Variants in DNAAF8 observed in about 807,000 individuals in gnomAD.
DNAAF8 encodes dynein axonemal-associated protein 1.
Under a neutral mutation model 54.6 loss-of-function variants are expected in DNAAF8, and 61 were observed. The observed-to-expected ratio is 1.12, with a 90% CI of 0.91 to 1.38. The LOEUF (loss-of-function observed/expected upper bound fraction) is 1.38, where lower values mean the gene tolerates loss of function less well. Ranked by LOEUF, DNAAF8 falls within the 40% of genes most tolerant of loss-of-function variation. The pLI, the probability that DNAAF8 is intolerant of heterozygous loss-of-function variation, is 0.00. For synonymous variants in DNAAF8, 320 were observed against 270.1 expected (o/e 1.18, Z -1.81); for missense variants, 837 against 665.0 (o/e 1.26, Z -2.85).
chr16:4,743,387 G>C, intron 5 of DNAAF8: 1 of 431,246 alleles, frequency 2.3e-6, no homozygotes, highest in Non-Finnish European at 4.1e-6. Flanking sequence ...AGGTCCTAGG[G>C]ACAAAGGAGA....
In DNAAF8 at chr16:4,744,931, G is replaced by A. The variant is rs778106589; in HGVS notation, c.963G>A (p.Thr321=). 71 of 1,613,746 alleles carry A rather than the reference G, an allele frequency of 4.4e-5. No individual in the cohort carries two copies. The highest frequency in any genetic ancestry group is 2.7e-4 in the Admixed American group (16 of 60,012). Residue 321 remains threonine (T), a synonymous_variant, in exon 6 of 10, where the codon ACG becomes ACA. Transcript: ENST00000299320. The part of the protein sequence containing the change: ...LMEQLALLCT[T]QSKASACARK... Reference sequence around the variant, plus strand: ...AACAGCTGGCCCTCCTGTGCACCACGCAGTCCAAGGCCTCTGCTTGTGCCC... The same window carrying A: ...AACAGCTGGCCCTCCTGTGCACCACACAGTCCAAGGCCTCTGCTTGTGCCC...
intron 1 of DNAAF8, among the ~76,000 whole-genome samples, chr16:4,735,615 G>A (rs2142196928): frequency 6.6e-6 from 1 of 151,786 alleles, no homozygotes; most frequent in Admixed American, 6.6e-5. Context: ...ATAAATGCAG[G>A]GGCTGGTCAG....
chr16:4,742,008 C>T (rs903391631), intron 4 of DNAAF8, among the ~76,000 whole-genome samples: 5 of 152,254 alleles, frequency 3.3e-5, no homozygotes, highest in Admixed American at 1.3e-4. Flanking sequence ...TTAAATCAAC[C>T]GTTCTTTCTG....
chr16:4,740,579 T>A lies in DNAAF8; in HGVS notation c.703T>A (p.Cys235Ser). The A allele has an allele frequency of 6.2e-7, 1 of 1,613,594 alleles. No homozygotes were observed. Among genetic ancestry groups the A allele is most frequent in the Non-Finnish European group, 8.5e-7 (1 of 1,179,988 alleles). Residue 235 changes from cysteine (C) to serine (S), a missense_variant, in exon 4 of 10, where the codon TGC (cysteine) becomes AGC (serine). Physicochemically the swap from Cys to Ser is moderately radical, Grantham distance 112. Coordinates refer to ENST00000299320, the MANE Select transcript of DNAAF8 (RefSeq NM_139170.3). ...SDKGGVKEAP[C>S]HAAESAPRSK... is the part of the protein sequence containing the mutation. The stretch of plus-strand genomic sequence containing the variant: ...CAAAGGTGGGGTGAAGGAGGCGCCC[T>A]GCCACGCTGCGGAGTCAGCTCCCAG...
At chr16:4,741,633 C>T (rs1218585694) in intron 4 of DNAAF8, among the ~76,000 whole-genome samples, 1 of 152,102 alleles carries the variant, frequency 6.6e-6, no homozygotes, top group Non-Finnish European at 1.5e-5. Flanking sequence ...AACCGTGACT[C>T]TATTAACAAT....
At chr16:4,741,510 G>A (rs2081961016) in intron 4 of DNAAF8, among the ~76,000 whole-genome samples, 1 of 152,092 alleles carries the variant, frequency 6.6e-6, no homozygotes, top group Admixed American at 6.6e-5. Flanking sequence ...ATAAGAAACT[G>A]GGATTTTGGC....
At chr16:4,742,441 A>G (rs1415533230) in intron 4 of DNAAF8, among the ~76,000 whole-genome samples, 1 of 151,604 alleles carries the variant, frequency 6.6e-6, no homozygotes, top group African/African-American at 2.4e-5. Context: ...CTGTAGTCTC[A>G]GCACTTTGGG....
intron 9 of DNAAF8, 135 bp from the exon 10 acceptor site, chr16:4,748,590 G>A (rs1225096515): frequency 6.6e-6 from 1 of 152,306 alleles, no homozygotes; most frequent in Non-Finnish European, 1.5e-5. Flanking sequence ...CCCCTCCACA[G>A]GACAAGCCTG....
intron 3 of DNAAF8, 139 bp from the exon 4 acceptor site, chr16:4,740,014 G>C (rs577418907): frequency 9.6e-7 from 1 of 1,046,146 alleles, no homozygotes; most frequent in Non-Finnish European, 1.4e-6. Context: ...AGCTATGATC[G>C]CACCACTGCA....
chr16:4,746,842 C>A, intron 7 of DNAAF8, 85 bp from the exon 8 acceptor site: 1 of 1,289,830 alleles, frequency 7.8e-7, no homozygotes, highest in Non-Finnish European at 1.0e-6. Flanking sequence ...GGGTCACCAG[C>A]AAAGCCCGAG....
chr16:4,739,403 C>G (rs1051223549), intron 3 of DNAAF8, among the ~76,000 whole-genome samples: 1 of 149,558 alleles, frequency 6.7e-6, no homozygotes, highest in Admixed American at 6.8e-5. Flanking sequence ...GTATGAATTT[C>G]TGAGCCCCAA....
In DNAAF8 at chr16:4,747,578, C is replaced by G. The variant is rs770512545; in HGVS notation, c.1516C>G (p.Pro506Ala). ...RPRALGDVPE[P>A]GAAREALMPP... ...CAGAGCCCTGGGGGATGTTCCTGAGCCAGGGGCAGCCAGGGAGGCCCTGAT... is the reference window on the plus strand; with the variant it reads ...CAGAGCCCTGGGGGATGTTCCTGAGGCAGGGGCAGCCAGGGAGGCCCTGAT... Residue 506 changes from proline to alanine, a missense_variant, in exon 9 of 10, where the codon CCA (proline) becomes GCA (alanine). Transcript: ENST00000299320. The G allele has an allele frequency of 3.1e-6, 5 of 1,610,530 alleles. No individual in the cohort carries two copies. Among genetic ancestry groups the G allele is most frequent in the South Asian group, 1.1e-5 (1 of 90,866 alleles).
In DNAAF8 at chr16:4,734,552, A is replaced by C. The variant is rs1297761604; in HGVS notation, c.-198A>C. 1.3e-5 allele frequency: 2 copies of C among 152,262 alleles called. No individual in the cohort carries two copies. Among genetic ancestry groups the C allele is most frequent in the Non-Finnish European group, 2.9e-5 (2 of 68,100 alleles). 9.4% of individuals were successfully genotyped at this position (152,262 alleles called of 1,614,324 possible). The stretch of plus-strand genomic sequence containing the variant: ...AGGCGGAGGCAGTCTAGTAATGTAA[A>C]GCTCCGCTGAGAGGGAGAGTGCTGA... On this transcript the variant is annotated 5_prime_UTR_variant, in exon 1 of 10. Coordinates refer to ENST00000299320, the MANE Select transcript of DNAAF8 (RefSeq NM_139170.3).
intron 7 of DNAAF8, 94 bp downstream of exon 7, chr16:4,746,606 A>G (rs965087084): frequency 7.0e-7 from 1 of 1,425,116 alleles, no homozygotes; most frequent in Non-Finnish European, 9.5e-7. Flanking sequence ...ATGGGGAGGA[A>G]CAGGGACTTC....
In DNAAF8 at chr16:4,743,112, C is replaced by T. The variant is rs372568912; in HGVS notation, c.853C>T (p.Arg285Cys). Residue 285 changes from arginine to cysteine, a missense_variant, in exon 5 of 10, where the codon CGT becomes TGT. Physicochemically the swap from Arg to Cys is radical, Grantham distance 180. Transcript: ENST00000299320. Reference sequence around the variant, plus strand: ...GGGACAAGAAGACAACCAGGGAAATCGTGCACCTGGAACTGTGTGGTGGGC... The same window carrying T: ...GGGACAAGAAGACAACCAGGGAAATTGTGCACCTGGAACTGTGTGGTGGGC... ...LAGQEDNQGN[R>C]APGTVWWAAD... 1.1e-3 allele frequency: 1,817 copies of T among 1,612,278 alleles called. 38 individuals carry two copies. In the South Asian group the frequency reaches 0.019, roughly 17 times the overall value.
rs749171265 is a variant in DNAAF8 at position 4,746,990 on chromosome 16, C to G, written c.1245C>G (p.Asp415Glu). Residue 415 changes from aspartate to glutamate, a missense_variant, in exon 8 of 10, where the codon GAC (aspartate) becomes GAG (glutamate). Transcript: ENST00000299320. The part of the protein sequence containing the change: ...EEEEEMAALG[D>E]AEGASPSSLG... ...AGGAAGAGATGGCAGCTCTGGGAGACGCAGAGGGGGCATCTCCTTCCTCCC... is the reference window on the plus strand; with the variant it reads ...AGGAAGAGATGGCAGCTCTGGGAGAGGCAGAGGGGGCATCTCCTTCCTCCC... 6.5e-7 allele frequency: 1 copy of G among 1,542,804 alleles called. No individual in the cohort carries two copies.
chr16:4,735,994 A>T (rs1243795810), intron 1 of DNAAF8, among the ~76,000 whole-genome samples: 2 of 151,762 alleles, frequency 1.3e-5, no homozygotes, highest in African/African-American at 4.9e-5. Context: ...TCCTTGGTAA[A>T]GGGCAGTAAA....
intron 8 of DNAAF8, 35 bp downstream of exon 8, chr16:4,747,060 G>A (rs1451592076): frequency 2.0e-6 from 3 of 1,495,544 alleles, no homozygotes; most frequent in South Asian, 1.3e-5. Flanking sequence ...ACCTGCAGAT[G>A]TCCCACCTCT....
At chr16:4,737,977 T>C (rs761919932) in intron 3 of DNAAF8, 31 bp downstream of exon 3, 1 of 1,604,736 alleles carries the variant, frequency 6.2e-7, no homozygotes, top group South Asian at 1.1e-5. Flanking sequence ...TATACGCCTG[T>C]GTGTGTGCGA....
Sources: gnomAD v4.1 joint callset for allele counts (sites outside exome capture counted in the v4.1 genomes callset) on GRCh38, gnomAD v4.1.1 for gene constraint, MANE v1.5 for transcripts, NCBI Gene and HGNC (gene_info 2026-07-23, HGNC 2026-07-21) for gene names.